The following FGF13 variants were observed in gnomAD, a reference collection of about 807,000 sequenced individuals.
The protein encoded by FGF13 is fibroblast growth factor 13.
Under a neutral mutation model 19.5 loss-of-function variants are expected in FGF13, and 2 were observed. The observed-to-expected ratio is 0.10, with a 90% CI of 0.04 to 0.32. The LOEUF is 0.32. Among genes scored for constraint, FGF13 ranks in the 10% least tolerant of loss-of-function variants. FGF13 has a pLI of 1.00. For missense variants in FGF13, 113 were observed against 192.7 expected, an observed-to-expected ratio of 0.59 and a Z score of 2.45; for synonymous variants, 72 against 76.9, an observed-to-expected ratio of 0.94 and a Z score of 0.33.
chrX:138,936,306 T>C (rs2091730891), intron 1 of FGF13, among the ~76,000 whole-genome samples: 2 of 112,089 alleles, frequency 1.8e-5, no homozygotes, highest in African/African-American at 6.5e-5. Context: ...CCCCCAAGCT[T>C]CAGCCCAGAC....
At position 138,626,739 on chromosome X, in the gene FGF13, C is replaced by A; in HGVS notation, c.*6111G>T. ...ACACACACAGACACAGACACACACA[C>A]ACGCACACAGAAACAATAGGGTAGT... On this transcript the variant is annotated 3_prime_UTR_variant, in exon 5 of 5. Coordinates refer to ENST00000315930, the MANE Select transcript of FGF13 (RefSeq NM_004114.5). The A allele has an allele frequency of 8.8e-6, 1 of 113,538 alleles. No individual in the cohort carries two copies. Among genetic ancestry groups the A allele is most frequent in the Non-Finnish European group, 1.9e-5 (1 of 53,422 alleles). The allele number at this position is 113,538 out of a possible 1,213,427, so 9.4% of individuals were successfully genotyped here.
intron 3 of FGF13, among the ~76,000 whole-genome samples, chrX:138,808,287 T>A (rs934660684): frequency 8.9e-6 from 1 of 111,952 alleles, no homozygotes; most frequent in Admixed American, 9.5e-5. Flanking sequence ...ATTAAGAAAC[T>A]CACTCAAAAC....
chrX:139,173,403 A>C (rs1023921622), intron 1 of FGF13, among the ~76,000 whole-genome samples: 7 of 109,673 alleles, frequency 6.4e-5, no homozygotes, highest in African/African-American at 2.3e-4. Flanking sequence ...ATATATATGT[A>C]AATGTTTTTA....
At chrX:139,178,486 C>T (rs1178503852) in intron 1 of FGF13, among the ~76,000 whole-genome samples, 4 of 112,086 alleles carry the variant, frequency 3.6e-5, no homozygotes, top group South Asian at 3.7e-4. Flanking sequence ...TATTTCCATG[C>T]GAACACTACA....
chrX:139,127,090 C>T (rs2083721779), intron 1 of FGF13, among the ~76,000 whole-genome samples: 1 of 111,217 alleles, frequency 9.0e-6, no homozygotes, highest in African/African-American at 3.3e-5. Flanking sequence ...GGTGCAGTGC[C>T]GCAGAAAAAA....
chrX:138,829,487 C>T (rs1179406665), intron 3 of FGF13, among the ~76,000 whole-genome samples: 1 of 111,524 alleles, frequency 9.0e-6, no homozygotes, highest in African/African-American at 3.3e-5. Context: ...ACTCTGAGAC[C>T]TTCACCAGAT....
intron 1 of FGF13, among the ~76,000 whole-genome samples, chrX:139,066,243 G>A (rs372468107): frequency 3.5e-4 from 39 of 111,211 alleles, no homozygotes; most frequent in African/African-American, 1.1e-3. Context: ...ATCAACATCC[G>A]AAGATCACAA....
intron 1 of FGF13, among the ~76,000 whole-genome samples, chrX:138,733,034 A>G (rs575761243): frequency 1.8e-5 from 2 of 111,991 alleles, no homozygotes; most frequent in African/African-American, 6.5e-5. Context: ...TCAGCCCAGA[A>G]TACAGAATTT....
chrX:139,003,409 C>G (rs1261273354), intron 1 of FGF13, among the ~76,000 whole-genome samples: 1 of 111,557 alleles, frequency 9.0e-6, no homozygotes, highest in African/African-American at 3.3e-5. Context: ...TTGCAAAGAG[C>G]GAAAGAACAA....
intron 3 of FGF13, among the ~76,000 whole-genome samples, chrX:138,671,956 A>G (rs1417812416): frequency 1.9e-5 from 2 of 107,767 alleles, no homozygotes; most frequent in Non-Finnish European, 3.8e-5. Context: ...GTAGTGAGGG[A>G]GTGAGCAATG....
chrX:138,701,110 T>C (rs2089941819), intron 3 of FGF13, among the ~76,000 whole-genome samples: 1 of 112,429 alleles, frequency 8.9e-6, no homozygotes, highest in Admixed American at 9.4e-5. Flanking sequence ...GTTCTTCAAT[T>C]GTGATGTTGC....
chrX:139,031,027 G>A (rs889346441), intron 1 of FGF13, among the ~76,000 whole-genome samples: 14 of 111,260 alleles, frequency 1.3e-4, no homozygotes, highest in Non-Finnish European at 2.1e-4. Context: ...AACTCTAAGC[G>A]TACACTATCT....
chrX:139,102,621 C>G (rs2083522982), intron 1 of FGF13, among the ~76,000 whole-genome samples: 1 of 112,302 alleles, frequency 8.9e-6, no homozygotes, highest in African/African-American at 3.2e-5. Flanking sequence ...ATAGGGATTA[C>G]TCTTATACTA....
chrX:138,773,055 T>C (rs1468783491), intron 3 of FGF13, among the ~76,000 whole-genome samples: 1 of 109,291 alleles, frequency 9.1e-6, no homozygotes, highest in African/African-American at 3.3e-5. Flanking sequence ...AAAATAAAAA[T>C]ATATAAATAA....
In FGF13 at chrX:138,630,181, T is replaced by C. The variant is rs1464683281; in HGVS notation, c.*2669A>G. Reference sequence around the variant, plus strand: ...CTTTAAGGCAGCTCAAAAAGAATGCTGGGGGTAAAGGATTCTTCCTGGGCA... The same window carrying C: ...CTTTAAGGCAGCTCAAAAAGAATGCCGGGGGTAAAGGATTCTTCCTGGGCA... On this transcript the variant is annotated 3_prime_UTR_variant, in exon 5 of 5. Coordinates refer to ENST00000315930, the MANE Select transcript of FGF13 (RefSeq NM_004114.5). 1.8e-5 allele frequency: 2 copies of C among 110,973 alleles called. No homozygotes were observed. The highest frequency in any genetic ancestry group is 5.7e-4 in the East Asian group (2 of 3,525). 9.1% of individuals were successfully genotyped at this position (110,973 alleles called of 1,213,427 possible).
In FGF13 at chrX:139,202,858, G is replaced by A. The variant is rs886086517; in HGVS notation, c.-113+558C>T. 3.6e-5 allele frequency among the ~76,000 whole-genome samples: 4 copies of A among 111,504 alleles called. No homozygotes were observed. The Admixed American group carries it at 3.8e-4, about 10-fold the overall frequency. On this transcript the variant is annotated intron_variant, in intron 1 of 2. Transcript: ENST00000421460. ...CTCCCTGCGCTGCAACCTCACTTCT[G>A]CAGTGGGGACTCGGCGTGGGTCGCT...
At chrX:139,185,137 A>G (rs1347843625) in intron 1 of FGF13, among the ~76,000 whole-genome samples, 2 of 112,378 alleles carry the variant, frequency 1.8e-5, no homozygotes, top group Non-Finnish European at 3.8e-5. Flanking sequence ...TGCTGAGTAC[A>G]TAGTAATACT....
intron 1 of FGF13, among the ~76,000 whole-genome samples, chrX:138,877,416 T>C (rs2091397028): frequency 8.9e-6 from 1 of 112,154 alleles, no homozygotes; most frequent in Non-Finnish European, 1.9e-5. Context: ...TTATTTTTAA[T>C]GGGAATTTTT....
At chrX:138,969,966 C>T (rs147915736) in intron 1 of FGF13, among the ~76,000 whole-genome samples, 27 of 111,576 alleles carry the variant, frequency 2.4e-4, no homozygotes, top group Admixed American at 2.3e-3. Context: ...ATTGAGTGTG[C>T]GTGTCTGTGT....
Sources: allele counts gnomAD v4.1 joint callset (sites outside exome capture counted in the v4.1 genomes callset), GRCh38; gene constraint gnomAD v4.1.1; transcripts MANE v1.5; gene names NCBI Gene and HGNC (gene_info 2026-07-23, HGNC 2026-07-21).